The following GLI3 variants were observed in gnomAD, a reference collection of about 807,000 sequenced individuals.
GLI3 encodes GLI family zinc finger 3, also known as transcription activator GLI3.
In GLI3, 20 loss-of-function variants were observed where a neutral mutation model predicts 100.8. The ratio of observed to expected loss-of-function variants is 0.20; its 90% CI spans 0.14 to 0.29. The LOEUF (loss-of-function observed/expected upper bound fraction) is 0.29, where lower values mean the gene tolerates loss of function less well. Ranked by LOEUF, GLI3 falls within the 10% of genes least tolerant of loss-of-function variation. The pLI is 1.00. For synonymous variants in GLI3, 938 were observed against 860.5 expected, an observed-to-expected ratio of 1.09 and a Z score of -1.58; for missense variants, 2,040 against 2,128.5, an observed-to-expected ratio of 0.96 and a Z score of 0.82.
At chr7:42,167,552 G>C (rs368942797) in intron 2 of GLI3, among the ~76,000 whole-genome samples, 53 of 152,254 alleles carry the variant, frequency 3.5e-4, no homozygotes, top group African/African-American at 1.3e-3. Flanking sequence ...ATATACACTT[G>C]AAAGATTAAA....
chr7:42,020,013 T>G (rs1788891643), intron 10 of GLI3, among the ~76,000 whole-genome samples: 1 of 152,042 alleles, frequency 6.6e-6, no homozygotes. Flanking sequence ...GAAAGAGAAA[T>G]TAATTAAACA....
upstream of GLI3, chr7:42,237,976 TCCGCCGCCG>T (rs1206993639): frequency 5.1e-3 from 746 of 146,066 alleles, 3 homozygotes; most frequent in Admixed American, 7.2e-3. Flanking sequence ...CTCCCCGCCC[TCCGCCGCCG>T]CCGCCGCCGC....
intron 10 of GLI3, among the ~76,000 whole-genome samples, chr7:41,984,470 G>A (rs1251095445): frequency 6.6e-6 from 1 of 152,132 alleles, no homozygotes; most frequent in Non-Finnish European, 1.5e-5. Context: ...TCCCTTCTAA[G>A]TGACTTCTTC....
At chr7:42,237,557 T>C (rs914839961), upstream of GLI3, among the ~76,000 whole-genome samples, 2 of 148,366 alleles carry the variant, frequency 1.3e-5, no homozygotes, top group African/African-American at 5.0e-5. Context: ...CCTCCTTCCC[T>C]TCTCTCCTCC....
chr7:42,011,963 G>A (rs180897630), intron 10 of GLI3, among the ~76,000 whole-genome samples: 36 of 152,318 alleles, frequency 2.4e-4, no homozygotes, highest in African/African-American at 8.4e-4. Context: ...CTAGCCCAGT[G>A]AGTACACTGG....
chr7:42,059,259 C>CA (rs1784520619), intron 4 of GLI3, among the ~76,000 whole-genome samples: 1 of 151,822 alleles, frequency 6.6e-6, no homozygotes, highest in South Asian at 2.1e-4. Flanking sequence ...TTTTGTCCTC[C>CA]AAATGGAGTC....
chr7:42,238,498 G>A (rs927883920), upstream of GLI3, among the ~76,000 whole-genome samples: 24 of 152,158 alleles, frequency 1.6e-4, no homozygotes, highest in Non-Finnish European at 1.5e-4. Flanking sequence ...TCCGCGAAGC[G>A]AGGAGGAGCT....
At chr7:42,247,904 G>A (rs982159224) in intron 1 of GLI3, among the ~76,000 whole-genome samples, 11 of 152,332 alleles carry the variant, frequency 7.2e-5, no homozygotes, top group African/African-American at 2.4e-4. Flanking sequence ...AAATGAGCTC[G>A]TCCTAGGTAG....
intron 10 of GLI3, among the ~76,000 whole-genome samples, chr7:41,991,032 C>T (rs186147820): frequency 7.2e-4 from 109 of 152,258 alleles, no homozygotes; most frequent in Non-Finnish European, 1.3e-3. Flanking sequence ...GCTGAGCTGA[C>T]GCATTCATTC....
chr7:42,012,591 G>C (rs1189622479), intron 10 of GLI3, among the ~76,000 whole-genome samples: 1 of 152,104 alleles, frequency 6.6e-6, no homozygotes, highest in African/African-American at 2.4e-5. Flanking sequence ...AAAAAGCTTT[G>C]TACAAGTGCT....
At chr7:42,045,305 ATCTTTGTATCT>A (rs1413995919) in intron 6 of GLI3, 68 bp downstream of exon 6, 19 of 1,328,414 alleles carry the variant, frequency 1.4e-5, no homozygotes, top group Non-Finnish European at 2.1e-5. Context: ...CAATCACCTA[ATCTTTGTATCT>A]TCTTCTCTGT....
chr7:42,259,001 T>C (rs1204553415), intron 1 of GLI3, among the ~76,000 whole-genome samples: 2 of 152,210 alleles, frequency 1.3e-5, no homozygotes, highest in African/African-American at 4.8e-5. Context: ...TTGTTTACTC[T>C]TTTATGTGCT....
chr7:42,017,640 T>C (rs951358235), intron 10 of GLI3, among the ~76,000 whole-genome samples: 6 of 152,226 alleles, frequency 3.9e-5, no homozygotes, highest in Non-Finnish European at 8.8e-5. Flanking sequence ...TTGCTTTCTT[T>C]GACTGAAACC....
In GLI3 at chr7:41,975,091, T is replaced by C. The variant is rs190788715; in HGVS notation, c.1813-2464A>G. Among the ~76,000 whole-genome samples the C allele has an allele frequency of 4.1e-3, 629 of 152,306 alleles. 8 individuals carry two copies. Among genetic ancestry groups the C allele is most frequent in the African/African-American group, 0.014 (578 of 41,568 alleles). ...CGAATCAGAGCTCAGGAAACTTGTT[T>C]AGCGGTATCTTTGGGGGAAAAATGA... On this transcript the variant is annotated intron_variant, in intron 12 of 14. Coordinates refer to ENST00000395925, the MANE Select transcript of GLI3 (RefSeq NM_000168.6).
intron 7 of GLI3, among the ~76,000 whole-genome samples, chr7:42,037,513 G>A (rs938224046): frequency 2.6e-4 from 39 of 152,190 alleles, no homozygotes; most frequent in Non-Finnish European, 5.9e-5. Flanking sequence ...TATATGGGAA[G>A]CTGATCTCAT....
At chr7:42,018,932 T>C (rs925266175) in intron 10 of GLI3, among the ~76,000 whole-genome samples, 32 of 152,172 alleles carry the variant, frequency 2.1e-4, no homozygotes, top group African/African-American at 7.2e-4. Flanking sequence ...GAAGACAACA[T>C]CCCCCAGTGC....
At chr7:42,235,641 G>C (rs529139636) in intron 1 of GLI3, among the ~76,000 whole-genome samples, 4 of 152,326 alleles carry the variant, frequency 2.6e-5, no homozygotes, top group Admixed American at 1.3e-4. Flanking sequence ...CTGGAGAGAA[G>C]AGGGAGGAGA....
At chr7:42,006,846 C>T (rs142077411) in intron 10 of GLI3, among the ~76,000 whole-genome samples, 162 of 152,222 alleles carry the variant, frequency 1.1e-3, no homozygotes, top group Non-Finnish European at 1.8e-3. Context: ...GACTTAAAGA[C>T]CAGTTCATTT....
intron 10 of GLI3, among the ~76,000 whole-genome samples, chr7:42,010,810 C>A (rs1788591168): frequency 6.6e-6 from 1 of 152,218 alleles, no homozygotes; most frequent in Non-Finnish European, 1.5e-5. Flanking sequence ...GCAAACCACT[C>A]ACTAATGAGT....
Sources: allele counts gnomAD v4.1 joint callset (sites outside exome capture counted in the v4.1 genomes callset), GRCh38; gene constraint gnomAD v4.1.1; transcripts MANE v1.5; gene names NCBI Gene and HGNC (gene_info 2026-07-23, HGNC 2026-07-21).